Variants in POU2F2 observed in about 807,000 individuals in gnomAD.
The protein encoded by POU2F2 is POU class 2 homeobox 2, also known as POU domain, class 2, transcription factor 2.
In POU2F2, 14 loss-of-function variants were observed where a neutral mutation model predicts 63.5. The ratio of observed to expected loss-of-function variants is 0.22; its 90% CI spans 0.15 to 0.34. The LOEUF is 0.34. Among genes scored for constraint, POU2F2 ranks in the 10% least tolerant of loss-of-function variants. The pLI, the probability that POU2F2 is intolerant of heterozygous loss-of-function variation, is 1.00. For synonymous variants in POU2F2, 306 were observed against 348.6 expected (o/e 0.88, Z 1.36); for missense variants, 607 against 815.2 (o/e 0.74, Z 3.11).
At chr19:42,149,825 G>C (rs897685509) in intron 2 of POU2F2, among the ~76,000 whole-genome samples, 3 of 152,084 alleles carry the variant, frequency 2.0e-5, no homozygotes, top group Non-Finnish European at 2.9e-5. Context: ...GTGTGGTGTC[G>C]TCCCCATCCC....
At chr19:42,145,446 G>A (rs183752185) in intron 2 of POU2F2, among the ~76,000 whole-genome samples, 164 of 152,356 alleles carry the variant, frequency 1.1e-3, no homozygotes, top group Middle Eastern at 3.4e-3. Flanking sequence ...CATTGATTCA[G>A]AGGAGTTTAA....
At chr19:42,196,080 T>TGGGCGG (rs2035142099) in intron 1 of POU2F2, among the ~76,000 whole-genome samples, 1 of 152,186 alleles carries the variant, frequency 6.6e-6, no homozygotes, top group Admixed American at 6.5e-5. Flanking sequence ...TAAACGTATC[T>TGGGCGG]GGGCGGTGGC....
At position 42,091,430 on chromosome 19, in the gene POU2F2, C is replaced by T; in HGVS notation, c.1702G>A (p.Gly568Ser). The T allele has an allele frequency of 6.5e-7, 1 of 1,550,276 alleles. No individual in the cohort carries two copies. The highest frequency in any genetic ancestry group is 2.4e-5 in the East Asian group (1 of 40,918). Residue 568 changes from glycine to serine, a missense_variant, in exon 15 of 15, where the codon GGC becomes AGC. Physicochemically the swap from Gly to Ser is moderately conservative, Grantham distance 56. Coordinates refer to ENST00000692977, the MANE Select transcript of POU2F2 (RefSeq NM_001394376.1). ...GCCGCAGCCGCTGCTGAGACCAGGC[C>T]CACACCAGGCGGGGTGCTGAGCAGG... is the stretch of plus-strand genomic sequence containing the variant. ...LPLLSTPPGV[G>S]LVSAAAAAVA...
At position 42,103,097 on chromosome 19, in the gene POU2F2, G is replaced by A. The variant is rs563312699; in HGVS notation, c.370-3276C>T. On this transcript the variant is annotated intron_variant, in intron 5 of 14. Transcript: ENST00000692977. ...CTTTATACATGCCGTTCCCTCTCCTGGGCAGTTCTACTTCTGACACTAATG... is the reference window on the plus strand; with the variant it reads ...CTTTATACATGCCGTTCCCTCTCCTAGGCAGTTCTACTTCTGACACTAATG... 2.6e-5 allele frequency among the ~76,000 whole-genome samples: 4 copies of A among 151,212 alleles called. No individual in the cohort carries two copies. The East Asian group carries it at 7.8e-4, about 29-fold the overall frequency.
chr19:42,183,630 T>A (rs1051712465), intron 1 of POU2F2, among the ~76,000 whole-genome samples: 6 of 152,052 alleles, frequency 3.9e-5, no homozygotes, highest in Non-Finnish European at 7.4e-5. Flanking sequence ...AAATAAATAA[T>A]TACCAGCCAG....
chr19:42,171,061 G>A (rs962122901), intron 1 of POU2F2, among the ~76,000 whole-genome samples: 38 of 152,336 alleles, frequency 2.5e-4, no homozygotes, highest in Non-Finnish European at 5.9e-5. Flanking sequence ...TTTTGGAGTC[G>A]GCCTGACCTT....
chr19:42,091,897 T>C lies in POU2F2; in HGVS notation c.1510A>G (p.Met504Val), dbSNP rs2076729533. The change falls in exon 14 of 15, where the codon ATG becomes GTG. Residue 504 changes from methionine (M) to valine (V), a missense_variant. By Grantham distance (21) the Met-to-Val change is conservative (BLOSUM62 1). This residue lies in a region of POU2F2 where 270 missense variants were observed against 307.5 expected (regional missense o/e 0.88). Transcript: ENST00000692977. ...GLSSGLSPALMSNNPLATIQA... is the reference protein window; with the variant it reads ...GLSSGLSPALVSNNPLATIQA... ...ATAGTGGCCAAAGGGTTGTTGCTCA[T>C]GAGGGCTGGACTCAGCCCGGAGCTC... The C allele has an allele frequency of 6.5e-7, 1 of 1,539,930 alleles. No individual in the cohort carries two copies.
chr19:42,105,999 T>TTTTCTTTTTC lies in POU2F2; in HGVS notation c.370-6179_370-6178insGAAAAAGAAA, dbSNP rs1555897062. Among the ~76,000 whole-genome samples, 20 of 132,326 alleles carry TTTTCTTTTTC rather than the reference T, an allele frequency of 1.5e-4. No individual in the cohort carries two copies. The South Asian group carries it at 4.8e-3, about 32-fold the overall frequency. The allele number at this position is 132,326 out of a possible 152,430, so 86.8% of individuals were successfully genotyped here. A position where few individuals can be genotyped will look rare whatever the true frequency, so the allele number is the denominator to read the frequency against. On this transcript the variant is annotated intron_variant, in intron 5 of 14. Coordinates refer to ENST00000692977, the MANE Select transcript of POU2F2 (RefSeq NM_001394376.1). ...ACATATGATATATAGGATCTTTCTTTTTTCTTTCTTTCTTTCTTTCTTTCT... is the reference window on the plus strand; with the variant it reads ...ACATATGATATATAGGATCTTTCTTTTTTCTTTTTCTTTCTTTCTTTCTTTCTTTCTTTCT...
chr19:42,168,409 A>G (rs982535454), intron 1 of POU2F2, among the ~76,000 whole-genome samples: 6 of 152,200 alleles, frequency 3.9e-5, no homozygotes, highest in African/African-American at 1.4e-4. Context: ...AGTCCTCCTG[A>G]AGGTCCCGTG....
Position 42,159,798 on chromosome 19 carries a change from G to A in POU2F2, c.-9+534C>T, listed in dbSNP as rs143652057. ...AAGGAATAAGTACTTTCATCTTCAC[G>A]CCACCTCCATGTGGTAAATGCTATT... On this transcript the variant is annotated intron_variant, in intron 2 of 6. Coordinates refer to the POU2F2 transcript ENST00000524801. Among the ~76,000 whole-genome samples, 492 of 152,280 alleles carry A rather than the reference G, an allele frequency of 3.2e-3. 2 individuals carry two copies. Among genetic ancestry groups the A allele is most frequent in the Non-Finnish European group, 4.1e-3 (279 of 68,018 alleles).
At chr19:42,154,210 A>AG (rs1199139784) in intron 2 of POU2F2, among the ~76,000 whole-genome samples, 1 of 151,286 alleles carries the variant, frequency 6.6e-6, no homozygotes, top group Non-Finnish European at 1.5e-5. Context: ...GGGGACAGGG[A>AG]GGGGGAGCGA....
upstream of POU2F2, among the ~76,000 whole-genome samples, chr19:42,179,089 A>G (rs373073215): frequency 1.1e-4 from 16 of 152,238 alleles, no homozygotes; most frequent in Admixed American, 5.9e-4. Context: ...TCTGGTAGAC[A>G]AGGCTGGGGA....
chr19:42,132,272 G>A lies in POU2F2; in HGVS notation c.28+112C>T, dbSNP rs1412521012. On this transcript the variant is annotated intron_variant, in intron 1 of 14. Coordinates refer to ENST00000692977, the MANE Select transcript of POU2F2 (RefSeq NM_001394376.1). ...GGAGAGAGGGAGTTGCTAGAGTACA[G>A]AGGAGAAGGACAATGGAGACAGCTG... is the stretch of plus-strand genomic sequence containing the variant. 7.9e-6 allele frequency: 10 copies of A among 1,260,862 alleles called. No homozygotes were observed. The South Asian group carries it at 9.3e-5, about 12-fold the overall frequency. The allele number at this position is 1,260,862 out of a possible 1,614,324, so 78.1% of individuals were successfully genotyped here. A position where few individuals can be genotyped will look rare whatever the true frequency, so the allele number is the denominator to read the frequency against.
rs996011478 is a variant in POU2F2, at chr19:42,091,546, C to T, written c.1586G>A (p.Ser529Asn). The T allele has an allele frequency of 6.5e-7, 1 of 1,550,000 alleles. No homozygotes were observed. The highest frequency in any genetic ancestry group is 8.7e-7 in the Non-Finnish European group (1 of 1,145,836). ...GGCTGCCCCCAGCACCAGATTCCCG[C>T]TGCCATCAAGGCTGGTAAGGGGCAG... The part of the protein sequence containing the change: ...GTLPLTSLDG[S>N]GNLVLGAAGA... Residue 529 changes from serine to asparagine, a missense_variant, in exon 15 of 15, where the codon AGC (serine) becomes AAC (asparagine). Around this residue, in one of 7 missense-constraint regions of POU2F2, gnomAD observed 270 missense variants for 307.5 expected, o/e 0.88. Coordinates refer to ENST00000692977, the MANE Select transcript of POU2F2 (RefSeq NM_001394376.1).
upstream of POU2F2, among the ~76,000 whole-genome samples, chr19:42,179,643 T>C (rs775365133): frequency 1.3e-5 from 2 of 152,058 alleles, no homozygotes; most frequent in Non-Finnish European, 2.9e-5. Flanking sequence ...CCATGCATAC[T>C]GAGTGGACAC....
At chr19:42,170,875 C>T (rs769008957) in intron 1 of POU2F2, among the ~76,000 whole-genome samples, 2 of 152,260 alleles carry the variant, frequency 1.3e-5, no homozygotes, top group Non-Finnish European at 2.9e-5. Flanking sequence ...CAGCCAGCTT[C>T]AGCCAAATGC....
intron 5 of POU2F2, among the ~76,000 whole-genome samples, chr19:42,111,440 C>A (rs1318996502): frequency 6.6e-6 from 1 of 152,134 alleles, no homozygotes; most frequent in Non-Finnish European, 1.5e-5. Context: ...TGACAACTAA[C>A]AACTTCCAGC....
At chr19:42,146,869 G>C (rs1301528826) in intron 2 of POU2F2, among the ~76,000 whole-genome samples, 1 of 152,192 alleles carries the variant, frequency 6.6e-6, no homozygotes, top group Non-Finnish European at 1.5e-5. Flanking sequence ...CTCACTCTCT[G>C]CTCTCCACTT....
chr19:42,153,104 C>G lies in POU2F2; in HGVS notation c.-9+7228G>C, dbSNP rs1056431591. Among the ~76,000 whole-genome samples the G allele has an allele frequency of 1.3e-5, 2 of 152,182 alleles. No individual in the cohort carries two copies. Among genetic ancestry groups the G allele is most frequent in the Admixed American group, 1.3e-4 (2 of 15,284 alleles). ...GCCTCACCCCAGGGTCTGGCCTGCACATGTGTGGTTGGGGTGGGAAGCTTG... is the reference window on the plus strand; with the variant it reads ...GCCTCACCCCAGGGTCTGGCCTGCAGATGTGTGGTTGGGGTGGGAAGCTTG... On this transcript the variant is annotated intron_variant, in intron 2 of 6. Coordinates refer to the POU2F2 transcript ENST00000524801. The surrounding 1 kb of genome is among the most constrained non-coding windows in gnomAD (Gnocchi z 5.6).
Sources: gnomAD v4.1 joint callset for allele counts (sites outside exome capture counted in the v4.1 genomes callset) on GRCh38, gnomAD v4.1.1 for gene constraint, gnomAD v4.1.1 regional missense constraint, Gnocchi (gnomAD v3.1) non-coding constraint, MANE v1.5 for transcripts, NCBI Gene and HGNC (gene_info 2026-07-23, HGNC 2026-07-21) for gene names.